The following IGF2BP2 variants were observed in gnomAD, a reference collection of about 807,000 sequenced individuals.
IGF2BP2 encodes the protein insulin-like growth factor 2 mRNA-binding protein 2.
In IGF2BP2, 17 loss-of-function variants were observed where a neutral mutation model predicts 75.8. That is an observed-to-expected ratio of 0.22 (90% CI 0.15 to 0.34). IGF2BP2 has a LOEUF of 0.34. IGF2BP2 is among the 10% of genes least tolerant of loss of function. IGF2BP2 has a pLI of 1.00. For synonymous variants in IGF2BP2, 288 were observed against 295.6 expected (o/e 0.97, Z 0.26); for missense variants, 516 against 772.4 (o/e 0.67, Z 3.93).
intron 2 of IGF2BP2, among the ~76,000 whole-genome samples, chr3:185,743,679 T>C (rs151021502): frequency 3.9e-5 from 6 of 152,350 alleles, no homozygotes; most frequent in African/African-American, 9.6e-5. Flanking sequence ...GCTTTAGTTA[T>C]AGTATCAGAT....
chr3:185,649,616 G>A, intron 13 of IGF2BP2, 82 bp from the exon 14 acceptor site: 1 of 1,564,240 alleles, frequency 6.4e-7, no homozygotes, highest in Non-Finnish European at 8.7e-7. Context: ...GCACTGGAGA[G>A]TCCAGACAAT....
intron 2 of IGF2BP2, among the ~76,000 whole-genome samples, chr3:185,808,422 G>A (rs1030741440): frequency 1.3e-5 from 2 of 152,164 alleles, no homozygotes; most frequent in Non-Finnish European, 2.9e-5. Flanking sequence ...AGAGGCTGTA[G>A]TGAGCCAACA....
At chr3:185,687,330 C>A (rs1721285673) in intron 6 of IGF2BP2, 139 bp from the exon 7 acceptor site, 2 of 829,000 alleles carry the variant, frequency 2.4e-6, no homozygotes, top group Non-Finnish European at 1.8e-6. Flanking sequence ...GCAATCAGTG[C>A]CATTCTCCAA....
intron 2 of IGF2BP2, chr3:185,724,824 T>C (rs1269023848): frequency 6.6e-6 from 1 of 152,252 alleles, no homozygotes; most frequent in East Asian, 1.9e-4. Context: ...TTGACACTCC[T>C]CCCATTGAAA....
In IGF2BP2 at chr3:185,689,520, C is replaced by A. The variant is rs780871526; in HGVS notation, c.512G>T (p.Arg171Leu). 6.2e-7 allele frequency: 1 copy of A among 1,614,156 alleles called. No individual in the cohort carries two copies. The highest frequency in any genetic ancestry group is 8.5e-7 in the Non-Finnish European group (1 of 1,180,008). The change falls in exon 6 of 16, where the codon CGT (arginine) becomes CTT (leucine). Residue 171 changes from arginine (R) to leucine (L), a missense_variant. Physicochemically the swap from Arg to Leu is moderately radical, Grantham distance 102 (BLOSUM62 -2). Around this residue, in one of 3 missense-constraint regions of IGF2BP2, gnomAD observed 312 missense variants for 474.5 expected, o/e 0.66. Transcript: ENST00000382199. ...SSPSPPQRAQRGDHSSREQGH... is the reference protein window; with the variant it reads ...SSPSPPQRAQLGDHSSREQGH... The stretch of plus-strand genomic sequence containing the variant: ...TTGCTCCCGGGAAGAGTGGTCCCCA[C>A]GCTGGGCTCGCTGAGGGGGCGAAGG...
Position 185,743,959 on chromosome 3 carries a change from A to T in IGF2BP2, c.240-45612T>A, listed in dbSNP as rs912661561. On this transcript the variant is annotated intron_variant, in intron 2 of 15. Transcript: ENST00000382199. ...CAGTTCTCCCAGTGTCTAAGTCTAC[A>T]CCTAAAGGGTTTCCTGGGAGGGAAA... Among the ~76,000 whole-genome samples, 7 of 152,176 alleles carry T rather than the reference A, an allele frequency of 4.6e-5. 1 individual carries two copies. The highest frequency in any genetic ancestry group is 3.3e-4 in the Admixed American group (5 of 15,278).
chr3:185,809,900 A>AT (rs1203870025), intron 2 of IGF2BP2, among the ~76,000 whole-genome samples: 1 of 152,204 alleles, frequency 6.6e-6, no homozygotes, highest in Non-Finnish European at 1.5e-5. Context: ...CAAAGAAAAA[A>AT]CAAGACCCAG....
intron 2 of IGF2BP2, among the ~76,000 whole-genome samples, chr3:185,744,029 C>T (rs554110107): frequency 2.0e-5 from 3 of 152,264 alleles, no homozygotes; most frequent in Admixed American, 1.3e-4. Flanking sequence ...TTTTTTAGTG[C>T]AAATCTCTGT....
chr3:185,723,742 G>A (rs889861691), intron 2 of IGF2BP2, among the ~76,000 whole-genome samples: 3 of 152,204 alleles, frequency 2.0e-5, no homozygotes, highest in Admixed American at 6.5e-5. Flanking sequence ...AACAACAGGT[G>A]AGTATGGAAT....
chr3:185,716,613 G>C (rs375339425), intron 2 of IGF2BP2: 40 of 519,920 alleles, frequency 7.7e-5, no homozygotes, highest in African/African-American at 6.0e-4. Flanking sequence ...ACTTTTCTTC[G>C]GGGGCAGGTA....
intron 2 of IGF2BP2, among the ~76,000 whole-genome samples, chr3:185,766,404 T>C (rs1467543197): frequency 6.6e-6 from 1 of 152,208 alleles, no homozygotes; most frequent in Non-Finnish European, 1.5e-5. Context: ...TTTTGTATAG[T>C]CTACAAGCTA....
At chr3:185,677,068 T>TATAG in intron 7 of IGF2BP2, among the ~76,000 whole-genome samples, 15 of 35,860 alleles carry the variant, frequency 4.2e-4, no homozygotes, top group East Asian at 2.8e-3. Context: ...TATATATATA[T>TATAG]AGAGAGAGAG....
intron 2 of IGF2BP2, among the ~76,000 whole-genome samples, chr3:185,769,456 C>G (rs926354390): frequency 6.6e-6 from 1 of 152,022 alleles, no homozygotes; most frequent in Non-Finnish European, 1.5e-5. Flanking sequence ...TAGTGAATGC[C>G]ATAACCAAGT....
intron 2 of IGF2BP2, among the ~76,000 whole-genome samples, chr3:185,731,353 T>C (rs1268740598): frequency 6.6e-6 from 1 of 151,782 alleles, no homozygotes; most frequent in Non-Finnish European, 1.5e-5. Context: ...TTCCAGTGAT[T>C]CTCCCGCCTC....
At chr3:185,786,375 T>C (rs1735889745) in intron 2 of IGF2BP2, among the ~76,000 whole-genome samples, 1 of 152,178 alleles carries the variant, frequency 6.6e-6, no homozygotes, top group Non-Finnish European at 1.5e-5. Context: ...CCACATGGCC[T>C]GAAGCAAGTA....
intron 2 of IGF2BP2, among the ~76,000 whole-genome samples, chr3:185,721,276 C>G (rs930923340): frequency 6.6e-6 from 1 of 152,072 alleles, no homozygotes; most frequent in African/African-American, 2.4e-5. Context: ...GTGGTGCAAT[C>G]TCAGCTCACT....
rs984181425 is a variant in IGF2BP2, at chr3:185,757,287, A to G, written c.240-58940T>C. On this transcript the variant is annotated intron_variant, in intron 2 of 15. Coordinates refer to ENST00000382199, the MANE Select transcript of IGF2BP2 (RefSeq NM_006548.6). ...TGCCTCTGCATTCTCATTCATTCAA[A>G]AAGTATTTACCTACTAACTTCCTAT... 2.6e-5 allele frequency among the ~76,000 whole-genome samples: 4 copies of G among 152,280 alleles called. No homozygotes were observed. In the East Asian group the frequency reaches 7.7e-4, roughly 29 times the overall value.
In IGF2BP2 at chr3:185,772,569, TTCTC is replaced by T. The variant is rs1181483834; in HGVS notation, c.239+50580_239+50583del. Among the ~76,000 whole-genome samples, 437 of 149,678 alleles carry T rather than the reference TTCTC, an allele frequency of 2.9e-3. 1 individual carries two copies. The highest frequency in any genetic ancestry group is 9.7e-3 in the African/African-American group (390 of 40,388). ...TCCCTATACAACTCCTTTTCTTCCC[TTCTC>T]TCTCTTTTTTTTTTTTTTTTTTTTT... On this transcript the variant is annotated intron_variant, in intron 2 of 15. Coordinates refer to ENST00000382199, the MANE Select transcript of IGF2BP2 (RefSeq NM_006548.6).
At chr3:185,723,520 C>T (rs1266951262) in intron 2 of IGF2BP2, among the ~76,000 whole-genome samples, 3 of 152,188 alleles carry the variant, frequency 2.0e-5, no homozygotes, top group African/African-American at 7.2e-5. Flanking sequence ...CTTCTTCCCA[C>T]CCCAGTGTCT....
Sources: gnomAD v4.1 joint callset for allele counts (sites outside exome capture counted in the v4.1 genomes callset) on GRCh38, gnomAD v4.1.1 for gene constraint, gnomAD v4.1.1 regional missense constraint, MANE v1.5 for transcripts, NCBI Gene and HGNC (gene_info 2026-07-23, HGNC 2026-07-21) for gene names.